Variants in AFF2 observed in about 807,000 individuals in gnomAD.
AFF2 encodes the protein ALF transcription elongation factor 2, also known as AF4/FMR2 family member 2.
A neutral mutation model predicts 76.9 loss-of-function variants in AFF2; 14 were observed. The ratio of observed to expected loss-of-function variants is 0.18; its 90% CI spans 0.12 to 0.28. The LOEUF is 0.28. Ranked by LOEUF, AFF2 falls within the 10% of genes least tolerant of loss-of-function variation. AFF2 has a pLI of 1.00. For synonymous variants in AFF2, 398 were observed against 366.7 expected (o/e 1.09, Z -0.98); for missense variants, 868 against 1,001.1 (o/e 0.87, Z 1.79).
At chrX:148,726,931 G>C (rs1196004307) in intron 3 of AFF2, among the ~76,000 whole-genome samples, 1 of 111,583 alleles carries the variant, frequency 9.0e-6, no homozygotes, top group African/African-American at 3.3e-5. Flanking sequence ...GGCATCCTGG[G>C]CAGTACAGAT....
chrX:148,628,304 A>AAATATT, intron 1 of AFF2, among the ~76,000 whole-genome samples: 1 of 111,331 alleles, frequency 9.0e-6, no homozygotes, highest in Non-Finnish European at 1.9e-5. Context: ...AATTTGAATA[A>AAATATT]AATATTAATG....
intron 1 of AFF2, among the ~76,000 whole-genome samples, chrX:148,574,977 TGTGTGTGTGA>T (rs1191447619): frequency 9.0e-4 from 82 of 91,606 alleles, no homozygotes; most frequent in South Asian, 2.3e-3. Flanking sequence ...TGTGTGTGTG[TGTGTGTGTGA>T]GAGAGAGACT....
intron 4 of AFF2, among the ~76,000 whole-genome samples, chrX:148,830,455 A>G (rs2070439664): frequency 8.9e-6 from 1 of 111,915 alleles, no homozygotes. Flanking sequence ...GCCCCCAATA[A>G]TTCATCATTA....
chrX:148,534,232 A>T (rs782103344), intron 1 of AFF2, among the ~76,000 whole-genome samples: 3 of 112,098 alleles, frequency 2.7e-5, no homozygotes, highest in Admixed American at 9.5e-5. Flanking sequence ...TGGATGCAAC[A>T]GTGGCCCAGC....
intron 1 of AFF2, among the ~76,000 whole-genome samples, chrX:148,557,495 C>T (rs1165225804): frequency 9.0e-6 from 1 of 111,161 alleles, no homozygotes; most frequent in Non-Finnish European, 1.9e-5. Flanking sequence ...CTGTGTCCTG[C>T]CATAGCAGAA....
intron 9 of AFF2, among the ~76,000 whole-genome samples, chrX:148,908,896 C>T (rs1430255756): frequency 8.9e-6 from 1 of 112,345 alleles, no homozygotes; most frequent in Non-Finnish European, 1.9e-5. Context: ...TCTGTGGCTG[C>T]TTTTGTGCTA....
chrX:148,857,263 G>A (rs782390685), intron 7 of AFF2, among the ~76,000 whole-genome samples: 7 of 111,641 alleles, frequency 6.3e-5, no homozygotes, highest in Non-Finnish European at 1.3e-4. Context: ...AGTTAAGAGA[G>A]TAATGCCATA....
chrX:148,581,859 T>C (rs1335234018), intron 1 of AFF2, among the ~76,000 whole-genome samples: 3 of 111,991 alleles, frequency 2.7e-5, no homozygotes, highest in Non-Finnish European at 5.7e-5. Flanking sequence ...TCTAAATACT[T>C]TAATCTAAAG....
intron 1 of AFF2, among the ~76,000 whole-genome samples, chrX:148,568,671 A>C (rs904972274): frequency 8.9e-6 from 1 of 112,002 alleles, no homozygotes; most frequent in Admixed American, 9.5e-5. Context: ...GTATATTGGC[A>C]TGTCAATATA....
intron 3 of AFF2, among the ~76,000 whole-genome samples, chrX:148,739,507 G>C (rs1042923590): frequency 9.0e-6 from 1 of 110,983 alleles, no homozygotes; most frequent in Non-Finnish European, 1.9e-5. Context: ...CCCTTTACTT[G>C]AAGTTTATGT....
At chrX:148,917,274 A>G (rs2071543213) in intron 9 of AFF2, among the ~76,000 whole-genome samples, 2 of 112,151 alleles carry the variant, frequency 1.8e-5, no homozygotes, top group Admixed American at 1.9e-4. Flanking sequence ...AAGAGGAGGC[A>G]CAGGAGTGAA....
chrX:148,864,570 A>G (rs782451087), intron 7 of AFF2, among the ~76,000 whole-genome samples: 1 of 112,219 alleles, frequency 8.9e-6, no homozygotes, highest in Non-Finnish European at 1.9e-5. Context: ...CTGCTGTGAG[A>G]TATATCATAG....
intron 3 of AFF2, among the ~76,000 whole-genome samples, chrX:148,665,774 C>T (rs2054352000): frequency 8.9e-6 from 1 of 111,955 alleles, no homozygotes; most frequent in African/African-American, 3.2e-5. Flanking sequence ...CAGTTCCTGG[C>T]GCCAAGGAGT....
intron 3 of AFF2, among the ~76,000 whole-genome samples, chrX:148,762,863 A>G (rs1405146916): frequency 7.2e-5 from 8 of 111,463 alleles, no homozygotes; most frequent in African/African-American, 2.6e-4. Flanking sequence ...TTTAAACATT[A>G]TTGTATTGTG....
chrX:148,716,714 TA>T (rs1557263386), intron 3 of AFF2, among the ~76,000 whole-genome samples: 1 of 111,495 alleles, frequency 9.0e-6, no homozygotes, highest in African/African-American at 3.3e-5. Flanking sequence ...TATATACTCT[TA>T]CATAGGAATA....
At chrX:148,536,546 C>T (rs1176734488) in intron 1 of AFF2, among the ~76,000 whole-genome samples, 15 of 112,375 alleles carry the variant, frequency 1.3e-4, no homozygotes, top group African/African-American at 4.9e-4. Flanking sequence ...ATGAAGAAAC[C>T]TATGCAGATA....
At chrX:148,805,088 A>G (rs1343929226) in intron 3 of AFF2, among the ~76,000 whole-genome samples, 2 of 111,784 alleles carry the variant, frequency 1.8e-5, no homozygotes, top group African/African-American at 6.5e-5. Context: ...TTATTTTATT[A>G]GTAATTCTGC....
chrX:148,955,700 C>A lies in AFF2; in HGVS notation c.1655C>A (p.Pro552His). The A allele has an allele frequency of 8.3e-7, 1 of 1,211,300 alleles. No individual in the cohort carries two copies. Among genetic ancestry groups the A allele is most frequent in the Non-Finnish European group, 1.1e-6 (1 of 895,266 alleles). ...TTTATTTGTGGCCAAAATGAAACAC[C>A]CATGGAGACTATTTCTCTGCCTCCT... Reference protein sequence around the residue: ...KSFICGQNETPMETISLPPPI... With the variant: ...KSFICGQNETHMETISLPPPI... The change falls in exon 11 of 21, where the codon CCC (proline) becomes CAC (histidine). Residue 552 changes from proline (P) to histidine (H), a missense_variant. Pro to His is a moderately conservative substitution (Grantham distance 77). Around this residue, in one of 6 missense-constraint regions of AFF2, gnomAD observed 532 missense variants for 564.2 expected, o/e 0.94. Coordinates refer to ENST00000370460, the MANE Select transcript of AFF2 (RefSeq NM_002025.4).
At chrX:148,774,797 A>T (rs1342262606) in intron 3 of AFF2, among the ~76,000 whole-genome samples, 1 of 112,024 alleles carries the variant, frequency 8.9e-6, no homozygotes, top group African/African-American at 3.2e-5. Context: ...TGTTCTCTGT[A>T]AAACAGTAGC....
Sources: gnomAD v4.1 joint callset for allele counts (sites outside exome capture counted in the v4.1 genomes callset) on GRCh38, gnomAD v4.1.1 for gene constraint, gnomAD v4.1.1 regional missense constraint, MANE v1.5 for transcripts, NCBI Gene and HGNC (gene_info 2026-07-23, HGNC 2026-07-21) for gene names.